The following AKAP19 variants were observed in gnomAD, a reference collection of about 807,000 sequenced individuals.
AKAP19 encodes A-kinase anchoring protein 19, also known as small A-kinase anchoring protein.
the AKAP19 span, among the ~76,000 whole-genome samples, chr2:190,129,044 A>G: frequency 6.6e-6 from 1 of 152,330 alleles, no homozygotes; most frequent in Admixed American, 6.5e-5. Flanking sequence ...GGTTGTACAT[A>G]ACATTCTACA....
At chr2:189,923,122 G>A in the AKAP19 span, among the ~76,000 whole-genome samples, 2 of 152,200 alleles carry the variant, frequency 1.3e-5, no homozygotes, top group Non-Finnish European at 2.9e-5. Context: ...CTGCACTCCA[G>A]CCTGGGCGAC....
At chr2:190,057,821 A>T in the AKAP19 span, among the ~76,000 whole-genome samples, 12 of 152,088 alleles carry the variant, frequency 7.9e-5, no homozygotes, top group African/African-American at 2.9e-4. Flanking sequence ...CTTATGTCTC[A>T]AAAGAATTTA....
chr2:190,019,495 A>G, the AKAP19 span, among the ~76,000 whole-genome samples: 1 of 152,068 alleles, frequency 6.6e-6, no homozygotes. Context: ...TAGCTTTGCC[A>G]GTGTATTATG....
At chr2:190,088,800 G>A in the AKAP19 span, among the ~76,000 whole-genome samples, 2 of 152,108 alleles carry the variant, frequency 1.3e-5, no homozygotes. Flanking sequence ...GATGGAAACA[G>A]GCCCAAGAAT....
At chr2:189,902,239 G>A in the AKAP19 span, among the ~76,000 whole-genome samples, 1 of 151,850 alleles carries the variant, frequency 6.6e-6, no homozygotes, top group Non-Finnish European at 1.5e-5. Context: ...TATCTGATGA[G>A]ATTCTAAATC....
the AKAP19 span, among the ~76,000 whole-genome samples, chr2:190,006,999 G>A: frequency 1.6e-4 from 24 of 152,068 alleles, no homozygotes; most frequent in African/African-American, 5.1e-4. Flanking sequence ...CAGCCTGGGC[G>A]ACAGAGTGAG....
the AKAP19 span, among the ~76,000 whole-genome samples, chr2:190,185,034 G>C: frequency 6.6e-6 from 1 of 152,138 alleles, no homozygotes; most frequent in African/African-American, 2.4e-5. Flanking sequence ...GAATTTCTTG[G>C]TCCTCTGACC....
At chr2:190,000,550 G>A in the AKAP19 span, among the ~76,000 whole-genome samples, 1 of 152,142 alleles carries the variant, frequency 6.6e-6, no homozygotes, top group Non-Finnish European at 1.5e-5. Flanking sequence ...TTCAAACTGA[G>A]GGGTTTCACT....
chr2:190,097,707 C>T, the AKAP19 span, among the ~76,000 whole-genome samples: 233 of 151,536 alleles, frequency 1.5e-3, 1 homozygote, highest in African/African-American at 5.5e-3. Context: ...CTCAAGAAAC[C>T]AGTTTCTTTG....
At chr2:190,121,084 A>G in the AKAP19 span, among the ~76,000 whole-genome samples, 314 of 151,966 alleles carry the variant, frequency 2.1e-3, 1 homozygote, top group African/African-American at 7.3e-3. Context: ...ATTTTTTTTA[A>G]AAGTGTATTC....
At chr2:190,044,945 C>T in the AKAP19 span, among the ~76,000 whole-genome samples, 1 of 151,994 alleles carries the variant, frequency 6.6e-6, no homozygotes, top group East Asian at 1.9e-4. Context: ...ATCCAGGACC[C>T]TCTTACAAAA....
At chr2:189,992,209 C>A in the AKAP19 span, among the ~76,000 whole-genome samples, 91,918 of 151,666 alleles carry the variant, frequency 0.61, 31,403 homozygotes, top group South Asian at 0.78. Context: ...GCACCCCCCA[C>A]CATGCCCAGC....
the AKAP19 span, among the ~76,000 whole-genome samples, chr2:190,105,826 GT>G: frequency 1.3e-5 from 2 of 152,154 alleles, no homozygotes; most frequent in East Asian, 3.8e-4. Flanking sequence ...CTGTATTGGG[GT>G]TTGGGTTTGT....
At chr2:189,924,019 C>T in the AKAP19 span, 2 of 1,573,420 alleles carry the variant, frequency 1.3e-6, no homozygotes, top group South Asian at 1.1e-5. Flanking sequence ...GCAGCAGCTC[C>T]GTGAAGAAAG....
the AKAP19 span, among the ~76,000 whole-genome samples, chr2:189,974,998 T>G: frequency 1.3e-5 from 2 of 152,220 alleles, no homozygotes; most frequent in Admixed American, 6.5e-5. Context: ...TTAATATTGT[T>G]GTGTGTGAAT....
the AKAP19 span, among the ~76,000 whole-genome samples, chr2:189,924,826 C>T: frequency 6.6e-6 from 1 of 151,840 alleles, no homozygotes; most frequent in African/African-American, 2.4e-5. Context: ...TGTGAACAGC[C>T]TGATGTTTGG....
the AKAP19 span, among the ~76,000 whole-genome samples, chr2:190,125,250 G>A: frequency 6.6e-6 from 1 of 152,102 alleles, no homozygotes; most frequent in African/African-American, 2.4e-5. Context: ...ATATCCCTAG[G>A]TGATAGGAAT....
chr2:190,164,737 T>A, the AKAP19 span, among the ~76,000 whole-genome samples: 1 of 152,202 alleles, frequency 6.6e-6, no homozygotes, highest in Non-Finnish European at 1.5e-5. Flanking sequence ...AGTTCTCAGA[T>A]GGGCAGATTT....
chr2:190,060,081 C>A, the AKAP19 span: 2 of 1,612,338 alleles, frequency 1.2e-6, no homozygotes, highest in South Asian at 2.2e-5. Flanking sequence ...TTCTCCTGGT[C>A]CTGGGAAGGT....
Sources: gnomAD v4.1 joint callset for allele counts (sites outside exome capture counted in the v4.1 genomes callset) on GRCh38, gnomAD v4.1.1 for gene constraint, MANE v1.5 for transcripts, NCBI Gene and HGNC (gene_info 2026-07-23, HGNC 2026-07-21) for gene names.